The following RPTOR variants were observed in gnomAD, a reference collection of about 807,000 sequenced individuals.
The protein encoded by RPTOR is regulatory associated protein of MTOR complex 1, also known as regulatory-associated protein of mTOR.
In RPTOR, 21 loss-of-function variants were observed where a neutral mutation model predicts 169.9. The ratio of observed to expected loss-of-function variants is 0.12; its 90% CI spans 0.09 to 0.18. The LOEUF (loss-of-function observed/expected upper bound fraction) is 0.18, where lower values mean the gene tolerates loss of function less well. Ranked by LOEUF, RPTOR falls within the 10% of genes least tolerant of loss-of-function variation. RPTOR has a pLI of 1.00. For synonymous variants in RPTOR, 732 were observed against 753.2 expected (o/e 0.97, Z 0.46); for missense variants, 1,133 against 1,855.9 (o/e 0.61, Z 7.16).
At chr17:80,890,604 G>A (rs1207472618) in intron 17 of RPTOR, among the ~76,000 whole-genome samples, 1 of 152,186 alleles carries the variant, frequency 6.6e-6, no homozygotes, top group African/African-American at 2.4e-5. Context: ...CAGTTCCATC[G>A]GCGCAAATCA....
chr17:80,567,499 A>T (rs891616909), intron 1 of RPTOR, among the ~76,000 whole-genome samples: 1 of 152,058 alleles, frequency 6.6e-6, no homozygotes, highest in Non-Finnish European at 1.5e-5. Context: ...GTTATTACTT[A>T]AAAAAGGTCT....
chr17:80,634,403 C>CGT (rs1294817836), intron 2 of RPTOR, among the ~76,000 whole-genome samples: 2 of 30,656 alleles, frequency 6.5e-5, no homozygotes, highest in Admixed American at 3.6e-4. Context: ...GTGTGCATAC[C>CGT]GTGTGTGTGT....
At chr17:80,930,320 G>GCTCAGCTCAGCTCATCCTCAGCTCATC (rs755469100) in intron 24 of RPTOR, among the ~76,000 whole-genome samples, 98 of 29,240 alleles carry the variant, frequency 3.4e-3, no homozygotes, top group South Asian at 0.01. Flanking sequence ...CCCCAGCTCA[G>GCTCAGCTCAGCTCATCCTCAGCTCATC]CTCAGCTCAT....
chr17:80,827,418 A>C (rs1189083260), intron 9 of RPTOR, among the ~76,000 whole-genome samples: 1 of 152,188 alleles, frequency 6.6e-6, no homozygotes, highest in East Asian at 1.9e-4. Flanking sequence ...CTGCCTTCGC[A>C]GTTGAGACCA....
chr17:80,914,581 C>T (rs2143950752), intron 21 of RPTOR, among the ~76,000 whole-genome samples: 1 of 152,356 alleles, frequency 6.6e-6, no homozygotes, highest in Non-Finnish European at 1.5e-5. Flanking sequence ...CTCCTGGCAC[C>T]CACTTCAATC....
At chr17:80,855,873 G>A (rs575624293) in intron 12 of RPTOR, among the ~76,000 whole-genome samples, 13 of 152,312 alleles carry the variant, frequency 8.5e-5, no homozygotes, top group East Asian at 7.7e-4. Context: ...GGAGCAGGGC[G>A]CCCCTGAGCC....
At chr17:80,712,864 T>C (rs2066207040) in intron 4 of RPTOR, among the ~76,000 whole-genome samples, 1 of 152,184 alleles carries the variant, frequency 6.6e-6, no homozygotes, top group African/African-American at 2.4e-5. Flanking sequence ...GCCATTCTGG[T>C]GGGTATGTAG....
chr17:80,884,020 CG>C (rs764034652), intron 16 of RPTOR, 48 bp downstream of exon 16: 2 of 1,573,310 alleles, frequency 1.3e-6, no homozygotes, highest in Non-Finnish European at 1.7e-6. Flanking sequence ...CTGCCGACTG[CG>C]GGGGTAAGGC....
At chr17:80,818,812 C>G (rs2067349777) in intron 7 of RPTOR, among the ~76,000 whole-genome samples, 1 of 152,152 alleles carries the variant, frequency 6.6e-6, no homozygotes, top group Admixed American at 6.5e-5. Context: ...TCACAAGATA[C>G]CAATTTGTAA....
chr17:80,922,853 G>C, intron 22 of RPTOR, 26 bp downstream of exon 22: 2 of 1,532,184 alleles, frequency 1.3e-6, no homozygotes, highest in Non-Finnish European at 1.8e-6. Flanking sequence ...TCAGCCTGCA[G>C]GTCCGTGGTG....
intron 20 of RPTOR, among the ~76,000 whole-genome samples, chr17:80,903,551 T>C (rs2068503372): frequency 1.3e-5 from 2 of 152,222 alleles, no homozygotes; most frequent in Admixed American, 6.5e-5. Context: ...CCTTGGTTTA[T>C]TTTTTAATGT....
intron 24 of RPTOR, among the ~76,000 whole-genome samples, chr17:80,926,363 C>T (rs1224833491): frequency 6.6e-6 from 1 of 152,218 alleles, no homozygotes; most frequent in Non-Finnish European, 1.5e-5. Context: ...TCCCTCTTCT[C>T]ACATGAACCT....
intron 3 of RPTOR, among the ~76,000 whole-genome samples, chr17:80,670,340 C>G (rs1243197316): frequency 1.3e-5 from 2 of 152,160 alleles, no homozygotes; most frequent in African/African-American, 4.8e-5. Flanking sequence ...TCCTTTCCCA[C>G]TCCTTGTTCT....
rs532902157 is a variant in RPTOR, at chr17:80,618,003, C to T, written c.163-7688C>T. Among the ~76,000 whole-genome samples, 56 of 144,042 alleles carry T rather than the reference C, an allele frequency of 3.9e-4. 2 individuals are homozygous for T. Among genetic ancestry groups the T allele is most frequent in the African/African-American group, 1.4e-3 (46 of 34,044 alleles). The allele number at this position is 144,042 out of a possible 152,430, so 94.5% of individuals were successfully genotyped here. ...TAGTTACAACTTTTTTTTTTTAAGA[C>T]GGGGTCTTGCTCTGTCACCCAGGGT... On this transcript the variant is annotated intron_variant, in intron 1 of 33. Coordinates refer to ENST00000306801, the MANE Select transcript of RPTOR (RefSeq NM_020761.3).
At chr17:80,740,730 A>G (rs1443606754) in intron 5 of RPTOR, among the ~76,000 whole-genome samples, 1 of 152,228 alleles carries the variant, frequency 6.6e-6, no homozygotes, top group Non-Finnish European at 1.5e-5. Flanking sequence ...AACAAAAAAA[A>G]AACTTTCAGT....
At chr17:80,895,611 A>G (rs1183187242) in intron 20 of RPTOR, among the ~76,000 whole-genome samples, 4 of 152,356 alleles carry the variant, frequency 2.6e-5, no homozygotes, top group Middle Eastern at 3.4e-3. Context: ...GCGTGGATAC[A>G]CGTGAGTGCC....
At chr17:80,722,551 A>T (rs957465883) in intron 4 of RPTOR, among the ~76,000 whole-genome samples, 1 of 151,084 alleles carries the variant, frequency 6.6e-6, no homozygotes, top group Non-Finnish European at 1.5e-5. Context: ...CATAGATGTC[A>T]GGTGGGGCAG....
At chr17:80,908,964 G>A (rs2068578416) in intron 21 of RPTOR, 35 bp downstream of exon 21, 5 of 1,464,976 alleles carry the variant, frequency 3.4e-6, no homozygotes, top group Non-Finnish European at 4.8e-6. Flanking sequence ...CGCTCCAGCT[G>A]CTGGTTCTCG....
At chr17:80,739,624 T>A (rs1398555963) in intron 5 of RPTOR, among the ~76,000 whole-genome samples, 2 of 152,060 alleles carry the variant, frequency 1.3e-5, no homozygotes, top group African/African-American at 4.8e-5. Context: ...GTGTGTTCTT[T>A]AACCACAAGA....
Sources: allele counts gnomAD v4.1 joint callset (sites outside exome capture counted in the v4.1 genomes callset), GRCh38; gene constraint gnomAD v4.1.1; transcripts MANE v1.5; gene names NCBI Gene and HGNC (gene_info 2026-07-23, HGNC 2026-07-21).